SNX29: variants seen among roughly 807,000 people sequenced by gnomAD.
The protein encoded by SNX29 is sorting nexin 29.
SNX29 carries 78 observed loss-of-function variants against 102.1 expected under a neutral mutation model. The observed-to-expected ratio is 0.76, with a 90% CI of 0.64 to 0.92. The LOEUF (loss-of-function observed/expected upper bound fraction) is 0.92. Among genes scored for constraint, SNX29 ranks in the 40% least tolerant of loss-of-function variants. The pLI is 0.00. For missense variants in SNX29, 1,280 were observed against 1,061.7 expected (o/e 1.21, Z -2.86); for synonymous variants, 580 against 414.5 (o/e 1.40, Z -4.85).
chr16:12,476,308 C>T (rs568700658), intron 18 of SNX29, among the ~76,000 whole-genome samples: 6 of 116,500 alleles, frequency 5.2e-5, no homozygotes, highest in South Asian at 6.7e-4. Flanking sequence ...AGTGAGACTT[C>T]GTCTCAAAAA....
intron 14 of SNX29, among the ~76,000 whole-genome samples, chr16:12,229,524 C>T (rs1424602135): frequency 1.3e-5 from 2 of 152,062 alleles, no homozygotes; most frequent in African/African-American, 4.8e-5. Flanking sequence ...TCCAGTGGAC[C>T]ACATCAGATG....
chr16:12,254,930 C>A (rs1401818126), intron 14 of SNX29, among the ~76,000 whole-genome samples: 1 of 152,098 alleles, frequency 6.6e-6, no homozygotes, highest in Admixed American at 6.5e-5. Flanking sequence ...ACAGCTCTTT[C>A]CAGGAGGTTG....
intron 14 of SNX29, among the ~76,000 whole-genome samples, chr16:12,253,437 AATTG>A (rs1267749947): frequency 6.6e-6 from 1 of 152,224 alleles, no homozygotes; most frequent in African/African-American, 2.4e-5. Context: ...AGAAGCTGAT[AATTG>A]ATATGGAACA....
chr16:12,433,248 T>C (rs1386726690), intron 18 of SNX29, among the ~76,000 whole-genome samples: 1 of 152,150 alleles, frequency 6.6e-6, no homozygotes, highest in African/African-American at 2.4e-5. Flanking sequence ...TGAGGGGAGA[T>C]AATGTCGATG....
At chr16:12,191,379 C>G (rs1472471962) in intron 13 of SNX29, among the ~76,000 whole-genome samples, 1 of 152,206 alleles carries the variant, frequency 6.6e-6, no homozygotes, top group East Asian at 1.9e-4. Flanking sequence ...AGTCCCAGCT[C>G]TGCCACTTGT....
At chr16:12,432,751 C>T (rs1409038894) in intron 18 of SNX29, among the ~76,000 whole-genome samples, 3 of 152,152 alleles carry the variant, frequency 2.0e-5, no homozygotes, top group East Asian at 1.9e-4. Flanking sequence ...AAAAAGTTGA[C>T]GAGAGGAGAG....
At chr16:12,408,157 C>CAAAAAAAAAAAAAAA (rs1555530421) in intron 18 of SNX29, among the ~76,000 whole-genome samples, 5 of 142,984 alleles carry the variant, frequency 3.5e-5, no homozygotes, top group African/African-American at 8.3e-5. Flanking sequence ...GGACCCTTCT[C>CAAAAAAAAAAAAAAA]AAAAAAACAA....
chr16:12,416,390 A>G lies in SNX29; in HGVS notation c.2037+12861A>G, dbSNP rs945568904. 2.6e-5 allele frequency among the ~76,000 whole-genome samples: 4 copies of G among 152,224 alleles called. No individual in the cohort carries two copies. The South Asian group carries it at 6.2e-4, about 24-fold the overall frequency. ...GGGTGACTATGGTTAACAATGACGT[A>G]TATTTCAAAATAGCTGGAAGAGAGG... On this transcript the variant is annotated intron_variant, in intron 18 of 20. Transcript: ENST00000566228.
intron 13 of SNX29, 68 bp from the exon 14 acceptor site, chr16:12,199,533 G>A: frequency 7.3e-7 from 1 of 1,378,532 alleles, no homozygotes; most frequent in Non-Finnish European, 1.0e-6. Context: ...ACCCACCCCT[G>A]CCCCCTCCTG....
At chr16:12,026,864 A>G (rs966834695) in intron 3 of SNX29, among the ~76,000 whole-genome samples, 3 of 152,210 alleles carry the variant, frequency 2.0e-5, no homozygotes, top group Non-Finnish European at 2.9e-5. Flanking sequence ...AATGTTTCCA[A>G]TTTGGCAGCC....
At chr16:12,526,862 C>T (rs1418381115) in intron 20 of SNX29, 6 of 402,524 alleles carry the variant, frequency 1.5e-5, no homozygotes, top group Non-Finnish European at 2.3e-5. Flanking sequence ...AAAAAGTGCA[C>T]GTTAATGCGA....
chr16:12,382,766 G>A (rs747454330), intron 16 of SNX29, among the ~76,000 whole-genome samples: 3 of 152,088 alleles, frequency 2.0e-5, no homozygotes, highest in South Asian at 2.1e-4. Context: ...TTCTAGCCTC[G>A]GGTGGCTCCA....
intron 8 of SNX29, among the ~76,000 whole-genome samples, chr16:12,058,654 C>T (rs2541584): frequency 0.65 from 98,732 of 150,992 alleles, 32,764 homozygotes; most frequent in Non-Finnish European, 0.7. Context: ...CCACCACGCC[C>T]TGCTAAGTTT....
At chr16:12,547,361 G>C (rs1336068578) in intron 20 of SNX29, among the ~76,000 whole-genome samples, 1 of 152,222 alleles carries the variant, frequency 6.6e-6, no homozygotes, top group African/African-American at 2.4e-5. Context: ...CTGCCATGTG[G>C]AGTCAGCAAA....
chr16:12,246,500 G>A (rs1184092510), intron 14 of SNX29, among the ~76,000 whole-genome samples: 1 of 152,114 alleles, frequency 6.6e-6, no homozygotes, highest in African/African-American at 2.4e-5. Flanking sequence ...AATTAGCTGG[G>A]TGTAGTGGCA....
chr16:12,000,088 T>A (rs2056232660), intron 2 of SNX29, among the ~76,000 whole-genome samples: 1 of 152,114 alleles, frequency 6.6e-6, no homozygotes. Context: ...TGCCCCCAGC[T>A]GTGTGGACGC....
intron 14 of SNX29, among the ~76,000 whole-genome samples, chr16:12,251,482 C>G (rs2078420667): frequency 6.6e-6 from 1 of 152,118 alleles, no homozygotes; most frequent in Non-Finnish European, 1.5e-5. Flanking sequence ...GTGGGTGGAT[C>G]ACCTGAGGTC....
intron 15 of SNX29, among the ~76,000 whole-genome samples, chr16:12,280,860 A>G (rs1312238962): frequency 1.3e-5 from 2 of 152,202 alleles, no homozygotes; most frequent in Non-Finnish European, 2.9e-5. Flanking sequence ...AAGTTGATAT[A>G]GTTTCTTTCC....
intron 20 of SNX29, among the ~76,000 whole-genome samples, chr16:12,547,599 G>C (rs771413050): frequency 9.2e-5 from 14 of 151,986 alleles, no homozygotes; most frequent in Non-Finnish European, 1.6e-4. Context: ...ACACCCCCAC[G>C]AAGTCAGCCT....
Sources: gnomAD v4.1 joint callset for allele counts (sites outside exome capture counted in the v4.1 genomes callset) on GRCh38, gnomAD v4.1.1 for gene constraint, MANE v1.5 for transcripts, NCBI Gene and HGNC (gene_info 2026-07-23, HGNC 2026-07-21) for gene names.